The following LY6G5C variants were observed in gnomAD, a reference collection of about 807,000 sequenced individuals.
LY6G5C encodes the protein lymphocyte antigen 6 complex locus protein G5c.
In LY6G5C, 6 loss-of-function variants were observed where a neutral mutation model predicts 10.5. That is an observed-to-expected ratio of 0.57 (90% CI 0.31 to 1.12). The LOEUF is 1.12. Ranked by LOEUF, LY6G5C falls within the 50% of genes most tolerant of loss-of-function variation. The pLI is 0.05. For synonymous variants in LY6G5C, 69 were observed against 67.8 expected (o/e 1.02, Z -0.09); for missense variants, 160 against 185.5 (o/e 0.86, Z 0.80).
rs369251663 is a variant in LY6G5C at position 31,679,906 on chromosome 6, G to A, written c.121+347C>T. 8.3e-5 allele frequency: 18 copies of A among 216,690 alleles called. No homozygotes were observed. The highest frequency in any genetic ancestry group is 4.2e-4 in the African/African-American group (18 of 42,954). The allele number at this position is 216,690 out of a possible 1,614,324, so 13.4% of individuals were successfully genotyped here. On this transcript the variant is annotated intron_variant, in intron 1 of 2. Transcript: ENST00000383237. This position sits in a 1 kb window ranked among gnomAD's most constrained non-coding sequence, Gnocchi z 4.4. Reference sequence around the variant, plus strand: ...TACTAAATATACAAAAATTAGCTGGGCTTGGTGGCTTATGCCTGTAATCCC... The same window carrying A: ...TACTAAATATACAAAAATTAGCTGGACTTGGTGGCTTATGCCTGTAATCCC...
At chr6:31,678,841 G>A (rs970036536) in intron 2 of LY6G5C, among the ~76,000 whole-genome samples, 3 of 152,094 alleles carry the variant, frequency 2.0e-5, no homozygotes, top group African/African-American at 4.8e-5. Flanking sequence ...TTAGCTGGGC[G>A]TGGTGGCGTG....
At chr6:31,676,862 T>C (rs1194779979) in exon 3 of LY6G5C, 1 of 1,235,980 alleles carries the variant, frequency 8.1e-7, no homozygotes. Flanking sequence ...GGAGGGCTGG[T>C]ATGAGGGACT....
In LY6G5C at chr6:31,679,046, G is replaced by A. The variant is rs1802735190; in HGVS notation, c.289+55C>T. On this transcript the variant is annotated intron_variant, in intron 2 of 2. Coordinates refer to ENST00000383237, the Ensembl canonical transcript of LY6G5C. This position sits in a 1 kb window ranked among gnomAD's most constrained non-coding sequence, Gnocchi z 4.4. ...GACTTGGGGTGCAGCTTAGGAGGCT[G>A]AGAGAGTTTCCGTTTGGGAGAGTGC... 1.3e-6 allele frequency: 2 copies of A among 1,572,372 alleles called. No individual in the cohort carries two copies. The highest frequency in any genetic ancestry group is 1.7e-6 in the Non-Finnish European group (2 of 1,143,470).
At position 31,679,033 on chromosome 6, in the gene LY6G5C, A is replaced by C; in HGVS notation, c.289+68T>G. 4 of 1,511,638 alleles carry C rather than the reference A, an allele frequency of 2.6e-6. No homozygotes were observed. The highest frequency in any genetic ancestry group is 3.7e-6 in the Non-Finnish European group (4 of 1,090,038). The allele number at this position is 1,511,638 out of a possible 1,614,324, so 93.6% of individuals were successfully genotyped here. A position where few individuals can be genotyped will look rare whatever the true frequency, so the allele number is the denominator to read the frequency against. On this transcript the variant is annotated intron_variant, in intron 2 of 2. Transcript: ENST00000383237. The surrounding 1 kb of genome is among the most constrained non-coding windows in gnomAD (Gnocchi z 4.4). The stretch of plus-strand genomic sequence containing the variant: ...ATTATGGGAACAAGACTTGGGGTGC[A>C]GCTTAGGAGGCTGAGAGAGTTTCCG...
At position 31,679,319 on chromosome 6, in the gene LY6G5C, C is replaced by T. The variant is rs1038474994; in HGVS notation, c.122-51G>A. On this transcript the variant is annotated intron_variant, in intron 1 of 2. Transcript: ENST00000383237. This position sits in a 1 kb window ranked among gnomAD's most constrained non-coding sequence, Gnocchi z 4.4. ...CACTCACACCCCATTCTACCTCACA[C>T]CCTACCACTGCCTGATTCCAGGCCA... is the stretch of plus-strand genomic sequence containing the variant. 1.9e-6 allele frequency: 3 copies of T among 1,601,944 alleles called. No homozygotes were observed. Among genetic ancestry groups the T allele is most frequent in the African/African-American group, 1.3e-5 (1 of 74,806 alleles).
chr6:31,677,789 A>AG (rs757956326), intron 2 of LY6G5C, among the ~76,000 whole-genome samples: 99 of 152,262 alleles, frequency 6.5e-4, no homozygotes, highest in Non-Finnish European at 1.2e-3. Context: ...AAAATAGTAA[A>AG]CAGCATATTT....
In LY6G5C at chr6:31,680,238, C is replaced by G; in HGVS notation, c.121+15G>C. The G allele has an allele frequency of 6.2e-7, 1 of 1,612,828 alleles. No homozygotes were observed. The highest frequency in any genetic ancestry group is 8.5e-7 in the Non-Finnish European group (1 of 1,179,970). On this transcript the variant is annotated intron_variant, in intron 1 of 2. Transcript: ENST00000383237. The surrounding 1 kb of genome is among the most constrained non-coding windows in gnomAD (Gnocchi z 4.5). ...CCAGGCCAGGAGACCCTTCTGAACC[C>G]TTGGAGCCACTTACCAAACACCAAG...
In LY6G5C at chr6:31,680,194, T is replaced by C. The variant is rs1387864103; in HGVS notation, c.121+59A>G. ...TGGACAGGTGTACCCAGACACTTGG[T>C]GTCTGTGGGTTTCTCCATCCAGGCC... On this transcript the variant is annotated intron_variant, in intron 1 of 2. Transcript: ENST00000383237. This position sits in a 1 kb window ranked among gnomAD's most constrained non-coding sequence, Gnocchi z 4.5. 4.4e-6 allele frequency: 7 copies of C among 1,608,494 alleles called. No homozygotes were observed. In the South Asian group the frequency reaches 6.6e-5, roughly 15 times the overall value.
intron 2 of LY6G5C, among the ~76,000 whole-genome samples, chr6:31,678,093 T>C (rs916205336): frequency 2.0e-5 from 3 of 152,222 alleles, no homozygotes; most frequent in Admixed American, 1.3e-4. Flanking sequence ...ATGACCTTTC[T>C]GCACCTGTTT....
Position 31,680,275 on chromosome 6 carries a change from C to G in LY6G5C, c.99G>C (p.Leu33=), listed in dbSNP as rs1466123230. The G allele has an allele frequency of 1.2e-6, 2 of 1,612,776 alleles. No individual in the cohort carries two copies. The highest frequency in any genetic ancestry group is 3.3e-5 in the Admixed American group (2 of 59,990). The change falls in exon 1 of 3, where the codon CTG becomes CTC. Residue 33 remains leucine (L), a synonymous_variant. Coordinates refer to ENST00000383237, the Ensembl canonical transcript of LY6G5C. This position sits in a 1 kb window ranked among gnomAD's most constrained non-coding sequence, Gnocchi z 4.5. ...TACCAAACACCAAGCTCATCATGAC[C>G]AGCACTATTAAGAGGACCGTGTAGA... is the stretch of plus-strand genomic sequence containing the variant.
rs929850871 is a variant in LY6G5C at position 31,679,971 on chromosome 6, C to G, written c.121+282G>C. 6.1e-5 allele frequency: 18 copies of G among 292,954 alleles called. No homozygotes were observed. The highest frequency in any genetic ancestry group is 3.5e-4 in the African/African-American group (16 of 45,782). The allele number at this position is 292,954 out of a possible 1,614,324, so 18.1% of individuals were successfully genotyped here. On this transcript the variant is annotated intron_variant, in intron 1 of 2. Coordinates refer to ENST00000383237, the Ensembl canonical transcript of LY6G5C. The surrounding 1 kb of genome is among the most constrained non-coding windows in gnomAD (Gnocchi z 4.4). The stretch of plus-strand genomic sequence containing the variant: ...CTGAGGCATGAGAATCGCTTGAACC[C>G]GGGAGGTGGAGGTTGCAGTGAGCCG...
chr6:31,676,782 G>A (rs1214662342), exon 3 of LY6G5C: 4 of 632,358 alleles, frequency 6.3e-6, no homozygotes, highest in Non-Finnish European at 1.1e-5. Context: ...CAGAGTAGCA[G>A]TAAGTGTGCT....
At position 31,679,552 on chromosome 6, in the gene LY6G5C, G is replaced by C; in HGVS notation, c.122-284C>G. The C allele has an allele frequency of 2.0e-6, 1 of 503,964 alleles. No homozygotes were observed. Among genetic ancestry groups the C allele is most frequent in the Non-Finnish European group, 3.6e-6 (1 of 277,902 alleles). 31.2% of individuals were successfully genotyped at this position (503,964 alleles called of 1,614,324 possible). ...CCAACACTTTGAATCCTGTGTCTCTGTGGCTGGTGCTTTGCAGCCAAGTGG... is the reference window on the plus strand; with the variant it reads ...CCAACACTTTGAATCCTGTGTCTCTCTGGCTGGTGCTTTGCAGCCAAGTGG... On this transcript the variant is annotated intron_variant, in intron 1 of 2. Coordinates refer to ENST00000383237, the Ensembl canonical transcript of LY6G5C. The surrounding 1 kb of genome is among the most constrained non-coding windows in gnomAD (Gnocchi z 4.4).
At position 31,680,084 on chromosome 6, in the gene LY6G5C, G is replaced by C; in HGVS notation, c.121+169C>G. 1.5e-6 allele frequency: 1 copy of C among 646,804 alleles called. No homozygotes were observed. 40.1% of individuals were successfully genotyped at this position (646,804 alleles called of 1,614,324 possible). A position where few individuals can be genotyped will look rare whatever the true frequency, so the allele number is the denominator to read the frequency against. Reference sequence around the variant, plus strand: ...AATAATAAATTTTTAAAAATCTTCAGATTGCACATCAGTCCATGAGCAGGC... The same window carrying C: ...AATAATAAATTTTTAAAAATCTTCACATTGCACATCAGTCCATGAGCAGGC... On this transcript the variant is annotated intron_variant, in intron 1 of 2. Transcript: ENST00000383237. This position sits in a 1 kb window ranked among gnomAD's most constrained non-coding sequence, Gnocchi z 4.5.
rs1301944178 is a variant in LY6G5C, at chr6:31,680,110, A to G, written c.121+143T>C. The stretch of plus-strand genomic sequence containing the variant: ...ATTGCACATCAGTCCATGAGCAGGC[A>G]TTCCCTACCAAACCCATCTGTCCCA... On this transcript the variant is annotated intron_variant, in intron 1 of 2. Coordinates refer to ENST00000383237, the Ensembl canonical transcript of LY6G5C. The surrounding 1 kb of genome is among the most constrained non-coding windows in gnomAD (Gnocchi z 4.5). 1.1e-6 allele frequency: 1 copy of G among 873,046 alleles called. No individual in the cohort carries two copies. Among genetic ancestry groups the G allele is most frequent in the Non-Finnish European group, 1.9e-6 (1 of 531,726 alleles). The allele number at this position is 873,046 out of a possible 1,614,324, so 54.1% of individuals were successfully genotyped here. A position where few individuals can be genotyped will look rare whatever the true frequency, so the allele number is the denominator to read the frequency against.
chr6:31,677,027 C>T lies in LY6G5C; in HGVS notation c.383G>A (p.Trp128Ter). ...CAGGAAGCAGTATTGAGAGAATATC[C>T]AGAAGCCAGACACCGGAGAAGTTCG... is the stretch of plus-strand genomic sequence containing the variant. Residue 128 changes from tryptophan (W) to a stop codon, truncating the protein, a stop_gained, in exon 3 of 3, where the codon TGG becomes TAG. Coordinates refer to ENST00000383237, the Ensembl canonical transcript of LY6G5C. LOFTEE classifies it low-confidence loss of function (END_TRUNC). The T allele has an allele frequency of 1.2e-6, 2 of 1,612,932 alleles. No homozygotes were observed. Among genetic ancestry groups the T allele is most frequent in the Non-Finnish European group, 1.7e-6 (2 of 1,180,000 alleles).
chr6:31,676,931 T>G, exon 3 of LY6G5C: 1 of 1,603,100 alleles, frequency 6.2e-7, no homozygotes, highest in Non-Finnish European at 8.5e-7. Flanking sequence ...TGGTGGAATT[T>G]TACACCAAAG....
chr6:31,679,967 A>C lies in LY6G5C; in HGVS notation c.121+286T>G, dbSNP rs1306962054. On this transcript the variant is annotated intron_variant, in intron 1 of 2. Coordinates refer to ENST00000383237, the Ensembl canonical transcript of LY6G5C. The surrounding 1 kb of genome is among the most constrained non-coding windows in gnomAD (Gnocchi z 4.4). ...GAGGCTGAGGCATGAGAATCGCTTGAACCCGGGAGGTGGAGGTTGCAGTGA... is the reference window on the plus strand; with the variant it reads ...GAGGCTGAGGCATGAGAATCGCTTGCACCCGGGAGGTGGAGGTTGCAGTGA... The C allele has an allele frequency of 3.4e-6, 1 of 290,262 alleles. No individual in the cohort carries two copies. The highest frequency in any genetic ancestry group is 2.2e-5 in the African/African-American group (1 of 45,608). The allele number at this position is 290,262 out of a possible 1,614,324, so 18.0% of individuals were successfully genotyped here.
rs1802734334 is a variant in LY6G5C, at chr6:31,679,031, G to A, written c.289+70C>T. ...GGATTATGGGAACAAGACTTGGGGT[G>A]CAGCTTAGGAGGCTGAGAGAGTTTC... On this transcript the variant is annotated intron_variant, in intron 2 of 2. Transcript: ENST00000383237. The surrounding 1 kb of genome is among the most constrained non-coding windows in gnomAD (Gnocchi z 4.4). 1 of 1,491,200 alleles carries A rather than the reference G, an allele frequency of 6.7e-7. No homozygotes were observed. The highest frequency in any genetic ancestry group is 9.3e-7 in the Non-Finnish European group (1 of 1,071,018). 92.4% of individuals were successfully genotyped at this position (1,491,200 alleles called of 1,614,324 possible).
Sources: allele counts gnomAD v4.1 joint callset (sites outside exome capture counted in the v4.1 genomes callset), GRCh38; gene constraint gnomAD v4.1.1; non-coding constraint Gnocchi (gnomAD v3.1); transcripts MANE v1.5; gene names NCBI Gene and HGNC (gene_info 2026-07-23, HGNC 2026-07-21).